FHIT: variants seen among roughly 807,000 people sequenced by gnomAD.
FHIT encodes the protein fragile histidine triad diadenosine triphosphatase.
A neutral mutation model predicts 17.9 loss-of-function variants in FHIT; 19 were observed. The ratio of observed to expected loss-of-function variants is 1.06; its 90% CI spans 0.74 to 1.56. FHIT has a LOEUF of 1.56. Among genes scored for constraint, FHIT ranks in the 40% most tolerant of loss-of-function variants. FHIT has a pLI of 0.00. For missense variants in FHIT, 248 were observed against 189.2 expected (o/e 1.31, Z -1.82); for synonymous variants, 81 against 69.7 (o/e 1.16, Z -0.81).
At chr3:60,418,426 A>ATATATG (rs1559897379) in intron 5 of FHIT, among the ~76,000 whole-genome samples, 18 of 15,188 alleles carry the variant, frequency 1.2e-3, no homozygotes, top group Admixed American at 3.0e-3. Context: ...ATATATATAT[A>ATATATG]CGTGTATACA....
At chr3:60,320,995 A>G (rs893265090) in intron 5 of FHIT, among the ~76,000 whole-genome samples, 1 of 152,204 alleles carries the variant, frequency 6.6e-6, no homozygotes, top group Non-Finnish European at 1.5e-5. Context: ...AGAGCTACAA[A>G]TTTTAATGAG....
At chr3:60,927,756 C>A (rs556859454) in intron 3 of FHIT, among the ~76,000 whole-genome samples, 1 of 152,042 alleles carries the variant, frequency 6.6e-6, no homozygotes, top group East Asian at 2.0e-4. Context: ...GCAGCCGCCC[C>A]GCCTGGGAGG....
At chr3:59,844,193 C>T (rs1422129605) in intron 8 of FHIT, among the ~76,000 whole-genome samples, 3 of 152,246 alleles carry the variant, frequency 2.0e-5, no homozygotes, top group African/African-American at 7.2e-5. Context: ...ATTACTCTGT[C>T]TCAGGTATTC....
At chr3:60,197,977 T>G (rs1156449848) in intron 5 of FHIT, among the ~76,000 whole-genome samples, 1 of 152,144 alleles carries the variant, frequency 6.6e-6, no homozygotes, top group Non-Finnish European at 1.5e-5. Context: ...AATCAGTTAT[T>G]ATGAGGTTCT....
At chr3:59,904,534 T>G (rs562340638) in intron 8 of FHIT, among the ~76,000 whole-genome samples, 50 of 152,260 alleles carry the variant, frequency 3.3e-4, no homozygotes, top group African/African-American at 1.2e-3. Flanking sequence ...GATGTAGGAT[T>G]TTTCTTCTCA....
intron 5 of FHIT, among the ~76,000 whole-genome samples, chr3:60,437,442 A>G (rs771889337): frequency 2.6e-5 from 4 of 152,128 alleles, no homozygotes; most frequent in South Asian, 2.1e-4. Flanking sequence ...AGCTCCATTT[A>G]TCATTCATTT....
intron 1 of FHIT, among the ~76,000 whole-genome samples, chr3:61,201,989 C>CAT (rs985863493): frequency 4.6e-5 from 7 of 151,228 alleles, no homozygotes; most frequent in Non-Finnish European, 8.8e-5. Flanking sequence ...TACATATGTG[C>CAT]ATATATATAC....
intron 5 of FHIT, among the ~76,000 whole-genome samples, chr3:60,417,360 T>A (rs547905797): frequency 2.0e-5 from 3 of 151,976 alleles, no homozygotes; most frequent in Non-Finnish European, 2.9e-5. Context: ...AGTGAAAAAA[T>A]TCGTTAGAGA....
chr3:61,242,995 T>C (rs1484100460), intron 1 of FHIT, among the ~76,000 whole-genome samples: 5 of 152,188 alleles, frequency 3.3e-5, no homozygotes. Flanking sequence ...TCTAAACTTG[T>C]GGCTAATTTG....
intron 5 of FHIT, among the ~76,000 whole-genome samples, chr3:60,219,107 C>T (rs1490862681): frequency 6.6e-6 from 1 of 152,110 alleles, no homozygotes; most frequent in Non-Finnish European, 1.5e-5. Flanking sequence ...CAGGGTCTAT[C>T]TACCCACATT....
intron 4 of FHIT, among the ~76,000 whole-genome samples, chr3:60,782,607 G>C (rs528300536): frequency 2.5e-4 from 38 of 152,274 alleles, no homozygotes; most frequent in African/African-American, 8.9e-4. Context: ...ACAGCAAGGA[G>C]ATGAATACCA....
At chr3:60,216,981 C>T (rs1188398777) in intron 5 of FHIT, among the ~76,000 whole-genome samples, 1 of 151,968 alleles carries the variant, frequency 6.6e-6, no homozygotes, top group East Asian at 1.9e-4. Flanking sequence ...TACCCAGCTC[C>T]GAGAATATAA....
intron 7 of FHIT, among the ~76,000 whole-genome samples, chr3:59,924,671 C>G (rs1056153795): frequency 2.5e-4 from 38 of 152,198 alleles, no homozygotes; most frequent in Non-Finnish European, 4.7e-4. Context: ...GGATTGATTT[C>G]TGCACCAGCA....
At chr3:60,820,020 C>A (rs1701872462) in intron 4 of FHIT, among the ~76,000 whole-genome samples, 1 of 151,962 alleles carries the variant, frequency 6.6e-6, no homozygotes, top group Non-Finnish European at 1.5e-5. Flanking sequence ...TTAAAAAGAA[C>A]CTTCTAGCCG....
At chr3:59,866,646 T>C (rs1218697896) in intron 8 of FHIT, among the ~76,000 whole-genome samples, 1 of 151,962 alleles carries the variant, frequency 6.6e-6, no homozygotes, top group Non-Finnish European at 1.5e-5. Flanking sequence ...TAAAAGTAAA[T>C]CTGATGGGAC....
chr3:59,894,990 T>A (rs1704007379), intron 8 of FHIT, among the ~76,000 whole-genome samples: 1 of 152,194 alleles, frequency 6.6e-6, no homozygotes, highest in African/African-American at 2.4e-5. Context: ...CATCAGGGGC[T>A]GGAATTAGGG....
At chr3:60,288,936 C>G (rs1418126178) in intron 5 of FHIT, among the ~76,000 whole-genome samples, 1 of 152,072 alleles carries the variant, frequency 6.6e-6, no homozygotes, top group African/African-American at 2.4e-5. Context: ...GTGAGAAAGT[C>G]ACAAGTACTG....
intron 7 of FHIT, among the ~76,000 whole-genome samples, chr3:59,943,177 G>A (rs1347107251): frequency 1.3e-5 from 2 of 152,148 alleles, no homozygotes; most frequent in East Asian, 1.9e-4. Context: ...CACGATGCAG[G>A]TAGTAAAACG....
intron 4 of FHIT, among the ~76,000 whole-genome samples, chr3:60,728,743 A>G (rs2041968853): frequency 6.6e-6 from 1 of 151,592 alleles, no homozygotes; most frequent in Non-Finnish European, 1.5e-5. Context: ...TTGGCATGCA[A>G]CAGTTGTCCT....
Sources: gnomAD v4.1 joint callset for allele counts (sites outside exome capture counted in the v4.1 genomes callset) on GRCh38, gnomAD v4.1.1 for gene constraint, MANE v1.5 for transcripts, NCBI Gene and HGNC (gene_info 2026-07-23, HGNC 2026-07-21) for gene names.